The following ANO6 variants were observed in gnomAD, a reference collection of about 807,000 sequenced individuals.
ANO6 encodes anoctamin-6.
ANO6 carries 106 observed loss-of-function variants against 117.5 expected under a neutral mutation model. The observed-to-expected ratio is 0.90, with a 90% confidence interval of 0.77 to 1.06. The LOEUF (loss-of-function observed/expected upper bound fraction) is 1.06. Among genes scored for constraint, ANO6 ranks in the 50% least tolerant of loss-of-function variants. The pLI is 0.00. For missense variants in ANO6, 955 were observed against 1,121.1 expected, an observed-to-expected ratio of 0.85 and a Z score of 2.12; for synonymous variants, 367 against 385.1, an observed-to-expected ratio of 0.95 and a Z score of 0.55.
chr12:45,266,805 AGTGTGTGTGT>A (rs57682251), intron 1 of ANO6, among the ~76,000 whole-genome samples: 2,056 of 145,764 alleles, frequency 0.014, 34 homozygotes, highest in South Asian at 0.061. Flanking sequence ...TCAAAAAACA[AGTGTGTGTGT>A]GTGTGTGTGT....
At chr12:45,262,994 G>A (rs1169208608) in intron 1 of ANO6, among the ~76,000 whole-genome samples, 1 of 152,028 alleles carries the variant, frequency 6.6e-6, no homozygotes, top group African/African-American at 2.4e-5. Context: ...CATGGTCTAT[G>A]GGATCATGTA....
intron 1 of ANO6, among the ~76,000 whole-genome samples, chr12:45,247,265 A>G (rs1286084848): frequency 6.6e-6 from 1 of 152,154 alleles, no homozygotes. Flanking sequence ...TCACTTCAGA[A>G]TTTATTGTCT....
At chr12:45,386,049 T>C (rs1942290074) in intron 10 of ANO6, among the ~76,000 whole-genome samples, 1 of 152,140 alleles carries the variant, frequency 6.6e-6, no homozygotes, top group African/African-American at 2.4e-5. Context: ...GACTGCGTAT[T>C]AAACCTTAAA....
chr12:45,410,094 G>A (rs532349039), intron 16 of ANO6, among the ~76,000 whole-genome samples: 1 of 152,122 alleles, frequency 6.6e-6, no homozygotes, highest in Non-Finnish European at 1.5e-5. Flanking sequence ...TAATCATGTT[G>A]TCTGAGAATG....
chr12:45,429,235 T>G lies in ANO6; in HGVS notation c.2657T>G (p.Met886Arg), dbSNP rs1287814300. The change falls in exon 20 of 20, where the codon ATG becomes AGG. Residue 886 changes from methionine to arginine, a missense_variant. Physicochemically the swap from Met to Arg is moderately conservative, Grantham distance 91. Coordinates refer to ENST00000320560, the MANE Select transcript of ANO6 (RefSeq NM_001025356.3). ...CTTCATGAGAATCACCTCAAAGATATGACGAAAAATATGGGGGTGATAGCT... is the reference window on the plus strand; with the variant it reads ...CTTCATGAGAATCACCTCAAAGATAGGACGAAAAATATGGGGGTGATAGCT... ...KLLHENHLKDMTKNMGVIAER... is the reference protein window; with the variant it reads ...KLLHENHLKDRTKNMGVIAER... 2.5e-6 allele frequency: 4 copies of G among 1,613,868 alleles called. No homozygotes were observed. Among genetic ancestry groups the G allele is most frequent in the Non-Finnish European group, 3.4e-6 (4 of 1,179,892 alleles).
chr12:45,432,618 T>G (rs1198016613), downstream of ANO6, among the ~76,000 whole-genome samples: 4 of 152,244 alleles, frequency 2.6e-5, no homozygotes, highest in Non-Finnish European at 4.4e-5. Context: ...ACCAGACTTT[T>G]GAATAATGTT....
chr12:45,371,221 G>C (rs1233747252), intron 9 of ANO6, among the ~76,000 whole-genome samples: 1 of 152,240 alleles, frequency 6.6e-6, no homozygotes, highest in African/African-American at 2.4e-5. Context: ...CGCCCATGGA[G>C]TCTCACTGAT....
At chr12:45,392,413 T>C (rs1056435726) in intron 12 of ANO6, among the ~76,000 whole-genome samples, 3 of 152,142 alleles carry the variant, frequency 2.0e-5, no homozygotes, top group Non-Finnish European at 4.4e-5. Context: ...TCCACCTCTG[T>C]GGGCAGGGCA....
chr12:45,410,343 G>T (rs1943056360), intron 16 of ANO6, among the ~76,000 whole-genome samples: 1 of 152,184 alleles, frequency 6.6e-6, no homozygotes, highest in African/African-American at 2.4e-5. Context: ...CTCATAACTG[G>T]CCTGAATTTG....
intron 9 of ANO6, 94 bp downstream of exon 9, chr12:45,367,887 T>A: frequency 1.1e-6 from 1 of 937,144 alleles, no homozygotes; most frequent in African/African-American, 1.6e-5. Flanking sequence ...TTTTTTCCTC[T>A]GAGGAATTAA....
chr12:45,425,947 C>G (rs2137721249), intron 19 of ANO6, among the ~76,000 whole-genome samples: 1 of 152,308 alleles, frequency 6.6e-6, no homozygotes, highest in South Asian at 2.1e-4. Flanking sequence ...TTATTAGGCT[C>G]TTGGAAACCA....
chr12:45,220,202 C>CA (rs1380607479), intron 1 of ANO6, among the ~76,000 whole-genome samples: 1 of 152,144 alleles, frequency 6.6e-6, no homozygotes, highest in African/African-American at 2.4e-5. Flanking sequence ...AGGAACTATT[C>CA]AGACTGTTCA....
At chr12:45,273,610 C>T (rs1173963842) in intron 1 of ANO6, among the ~76,000 whole-genome samples, 1 of 152,184 alleles carries the variant, frequency 6.6e-6, no homozygotes, top group Admixed American at 6.5e-5. Context: ...ATTTTCTTCT[C>T]ACATGCTGTG....
At chr12:45,262,510 C>T (rs770734249) in intron 1 of ANO6, among the ~76,000 whole-genome samples, 8 of 152,208 alleles carry the variant, frequency 5.3e-5, no homozygotes, top group Middle Eastern at 3.4e-3. Context: ...CCGCAATCTC[C>T]GCCTCCTGGC....
chr12:45,241,865 G>T (rs183218422), intron 1 of ANO6, among the ~76,000 whole-genome samples: 2 of 152,220 alleles, frequency 1.3e-5, no homozygotes, highest in African/African-American at 2.4e-5. Flanking sequence ...GTTTGCCTGG[G>T]TATCACCAGT....
chr12:45,262,489 T>C (rs1938072853), intron 1 of ANO6, among the ~76,000 whole-genome samples: 1 of 152,046 alleles, frequency 6.6e-6, no homozygotes, highest in Admixed American at 6.6e-5. Flanking sequence ...AATGGCGCGA[T>C]CTCTGGCTCA....
At chr12:45,371,898 C>T (rs1432521540) in intron 9 of ANO6, among the ~76,000 whole-genome samples, 13 of 151,522 alleles carry the variant, frequency 8.6e-5, no homozygotes, top group African/African-American at 2.7e-4. Context: ...AGGCTTCAGA[C>T]GATCAAATTA....
intron 1 of ANO6, among the ~76,000 whole-genome samples, chr12:45,224,239 G>A (rs1299660794): frequency 6.6e-6 from 1 of 152,136 alleles, no homozygotes; most frequent in Non-Finnish European, 1.5e-5. Context: ...GCCCTGTTGG[G>A]ATGAAAAGAC....
At chr12:45,236,819 G>A (rs1216385249) in intron 1 of ANO6, among the ~76,000 whole-genome samples, 1 of 152,140 alleles carries the variant, frequency 6.6e-6, no homozygotes, top group African/African-American at 2.4e-5. Flanking sequence ...CTTCCACAAT[G>A]GTTGAACTAA....
Sources: allele counts gnomAD v4.1 joint callset (sites outside exome capture counted in the v4.1 genomes callset), GRCh38; gene constraint gnomAD v4.1.1; transcripts MANE v1.5; gene names NCBI Gene and HGNC (gene_info 2026-07-23, HGNC 2026-07-21).